The following ESCO1 variants were observed in gnomAD, a reference collection of about 807,000 sequenced individuals.
The protein encoded by ESCO1 is establishment of sister chromatid cohesion N-acetyltransferase 1.
In ESCO1, 33 loss-of-function variants were observed where a neutral mutation model predicts 83.5. The observed-to-expected ratio is 0.40, with a 90% CI of 0.30 to 0.53. ESCO1 has a LOEUF of 0.53. Among genes scored for constraint, ESCO1 ranks in the 20% least tolerant of loss-of-function variants. ESCO1 has a pLI of 0.63. For missense variants in ESCO1, 855 were observed against 968.0 expected, an observed-to-expected ratio of 0.88 and a Z score of 1.55; for synonymous variants, 332 against 324.3, an observed-to-expected ratio of 1.02 and a Z score of -0.25.
intron 4 of ESCO1, among the ~76,000 whole-genome samples, chr18:21,572,851 C>T (rs536847187): frequency 6.6e-6 from 1 of 151,844 alleles, no homozygotes; most frequent in South Asian, 2.1e-4. Context: ...GTAATCCCAG[C>T]TACTCGGGAG....
At chr18:21,539,026 T>A (rs1034843933) in intron 9 of ESCO1, among the ~76,000 whole-genome samples, 1 of 152,008 alleles carries the variant, frequency 6.6e-6, no homozygotes, top group African/African-American at 2.4e-5. Context: ...CTCTGAACAC[T>A]TGAAGTATGG....
At chr18:21,596,865 C>G (rs577096705) in intron 1 of ESCO1, 1 of 152,216 alleles carries the variant, frequency 6.6e-6, no homozygotes, top group South Asian at 2.1e-4. Flanking sequence ...CCTGGCTTCG[C>G]TTAACTACTT....
chr18:21,595,737 G>A (rs1489216034), intron 1 of ESCO1, among the ~76,000 whole-genome samples: 4 of 150,730 alleles, frequency 2.7e-5, no homozygotes, highest in East Asian at 2.0e-4. Context: ...GCCAAGGAGG[G>A]GGGATCACGA....
intron 8 of ESCO1, among the ~76,000 whole-genome samples, chr18:21,559,595 T>A (rs779817840): frequency 8.5e-5 from 13 of 152,356 alleles, no homozygotes; most frequent in South Asian, 4.1e-4. Flanking sequence ...AGAATTTACT[T>A]GAACTAACTT....
Position 21,566,131 on chromosome 18 carries a change from TA to T in ESCO1, c.1706+14del. The T allele has an allele frequency of 2.5e-6, 4 of 1,607,358 alleles. No homozygotes were observed. The highest frequency in any genetic ancestry group is 3.4e-6 in the Non-Finnish European group (4 of 1,176,588). ...GTTAAAATCCTTAAGCTCTAAAATT[TA>T]ATTAATAGCTTACCTGTTATCACTG... On this transcript the variant is annotated intron_variant, in intron 6 of 11. Coordinates refer to ENST00000269214, the MANE Select transcript of ESCO1 (RefSeq NM_052911.3).
At chr18:21,553,352 A>C (rs1434234158) in intron 8 of ESCO1, among the ~76,000 whole-genome samples, 1 of 150,580 alleles carries the variant, frequency 6.6e-6, no homozygotes, top group African/African-American at 2.4e-5. Context: ...TCTTGCTTGT[A>C]ATCCAGCACT....
At chr18:21,563,170 C>T (rs555357915) in intron 7 of ESCO1, among the ~76,000 whole-genome samples, 12 of 151,966 alleles carry the variant, frequency 7.9e-5, no homozygotes, top group Admixed American at 1.3e-4. Flanking sequence ...TGCACCTGGA[C>T]AAGTTCCATG....
chr18:21,561,315 A>AT (rs1169668247), intron 7 of ESCO1, among the ~76,000 whole-genome samples: 1 of 152,204 alleles, frequency 6.6e-6, no homozygotes, highest in Non-Finnish European at 1.5e-5. Flanking sequence ...CGTATTTGCA[A>AT]TAATTATACT....
intron 2 of ESCO1, among the ~76,000 whole-genome samples, chr18:21,576,440 T>C (rs931116267): frequency 6.6e-6 from 1 of 152,110 alleles, no homozygotes; most frequent in African/African-American, 2.4e-5. Context: ...GAGTTGAAGG[T>C]TGCAGTAAGC....
At chr18:21,532,082 T>C (rs1241705803) in intron 11 of ESCO1, among the ~76,000 whole-genome samples, 1 of 152,102 alleles carries the variant, frequency 6.6e-6, no homozygotes, top group Non-Finnish European at 1.5e-5. Context: ...ATTTTGATAG[T>C]TTACAAATAA....
At chr18:21,554,816 G>A (rs2038091678) in intron 8 of ESCO1, among the ~76,000 whole-genome samples, 1 of 152,076 alleles carries the variant, frequency 6.6e-6, no homozygotes, top group South Asian at 2.1e-4. Flanking sequence ...GGCTGAGGCA[G>A]AGAATCGCTT....
At position 21,575,544 on chromosome 18, in the gene ESCO1, T is replaced by C. The variant is rs2038408269; in HGVS notation, c.-587-114A>G. 1.0e-5 allele frequency: 4 copies of C among 398,154 alleles called. 1 individual carries two copies. Among genetic ancestry groups the C allele is most frequent in the South Asian group, 2.6e-4 (2 of 7,824 alleles). 24.7% of individuals were successfully genotyped at this position (398,154 alleles called of 1,614,324 possible). A position where few individuals can be genotyped will look rare whatever the true frequency, so the allele number is the denominator to read the frequency against. On this transcript the variant is annotated intron_variant, in intron 3 of 11. Coordinates refer to ENST00000269214, the MANE Select transcript of ESCO1 (RefSeq NM_052911.3). ...GAAAATCTAACTCCTCCTTTTGAAG[T>C]ATCTAATCAGTACACTTAAGGCTAA...
chr18:21,555,512 G>A (rs1203846000), intron 8 of ESCO1, among the ~76,000 whole-genome samples: 2 of 152,202 alleles, frequency 1.3e-5, no homozygotes, highest in South Asian at 2.1e-4. Context: ...GAATTAAGGA[G>A]TATATGGGAA....
chr18:21,592,797 G>C (rs1323553894), intron 1 of ESCO1, among the ~76,000 whole-genome samples: 1 of 150,526 alleles, frequency 6.6e-6, no homozygotes, highest in Admixed American at 6.6e-5. Context: ...TCTCAGACGG[G>C]GCGGCTGCCG....
chr18:21,584,926 C>T (rs769958250), intron 1 of ESCO1, among the ~76,000 whole-genome samples: 6 of 152,012 alleles, frequency 3.9e-5, no homozygotes, highest in African/African-American at 1.2e-4. Flanking sequence ...GGGTGGATAA[C>T]GAGGTCAGTT....
intron 8 of ESCO1, among the ~76,000 whole-genome samples, chr18:21,547,308 G>A (rs371998243): frequency 1.5e-4 from 22 of 143,212 alleles, no homozygotes; most frequent in East Asian, 4.1e-4. Flanking sequence ...ATAAGCCTAC[G>A]AAAAAATTAT....
At position 21,574,370 on chromosome 18, in the gene ESCO1, CTCT is replaced by C; in HGVS notation, c.471_473del (p.Glu158del). The C allele has an allele frequency of 1.2e-6, 2 of 1,614,014 alleles. No individual in the cohort carries two copies. Among genetic ancestry groups the C allele is most frequent in the Non-Finnish European group, 1.7e-6 (2 of 1,179,998 alleles). ...ATTTACTCTGAGTACTGCTACACTG[CTCT>C]TTTTTAGTTGGTGGCAAACTCTGTT... On this transcript the variant is annotated inframe_deletion, in exon 4 of 12. Coordinates refer to ENST00000269214, the MANE Select transcript of ESCO1 (RefSeq NM_052911.3).
In ESCO1 at chr18:21,567,959, AT is replaced by A; in HGVS notation, c.1645+20del. Reference sequence around the variant, plus strand: ...TGTCACTGAAGACTATGAAATCCAAATAATATTTCCAAAGTATTACCTGGAA... The same window carrying A: ...TGTCACTGAAGACTATGAAATCCAAAAATATTTCCAAAGTATTACCTGGAA... On this transcript the variant is annotated intron_variant, in intron 5 of 11. Transcript: ENST00000269214. The A allele has an allele frequency of 6.4e-7, 1 of 1,567,340 alleles. No homozygotes were observed. Among genetic ancestry groups the A allele is most frequent in the Non-Finnish European group, 8.7e-7 (1 of 1,144,128 alleles).
intron 8 of ESCO1, among the ~76,000 whole-genome samples, chr18:21,559,672 C>G (rs893486739): frequency 6.6e-6 from 1 of 152,160 alleles, no homozygotes; most frequent in African/African-American, 2.4e-5. Context: ...TATAATTTAG[C>G]TACCTGAGAG....
Sources: allele counts gnomAD v4.1 joint callset (sites outside exome capture counted in the v4.1 genomes callset), GRCh38; gene constraint gnomAD v4.1.1; transcripts MANE v1.5; gene names NCBI Gene and HGNC (gene_info 2026-07-23, HGNC 2026-07-21).